MAD1L1: variants seen among roughly 807,000 people sequenced by gnomAD.
MAD1L1 encodes mitotic arrest deficient 1 like 1, also known as mitotic spindle assembly checkpoint protein MAD1.
Under a neutral mutation model 96.9 loss-of-function variants are expected in MAD1L1, and 95 were observed. The ratio of observed to expected loss-of-function variants is 0.98; its 90% CI spans 0.83 to 1.16. The LOEUF is 1.16. Ranked by LOEUF, MAD1L1 falls within the 50% of genes most tolerant of loss-of-function variation. The probability of loss-of-function intolerance (pLI) is 0.00; values close to 1 mark genes in which losing one functional copy is unlikely to be tolerated. For missense variants in MAD1L1, 1,007 were observed against 954.4 expected, an observed-to-expected ratio of 1.06 and a Z score of -0.73; for synonymous variants, 473 against 396.6, an observed-to-expected ratio of 1.19 and a Z score of -2.29.
intron 16 of MAD1L1, among the ~76,000 whole-genome samples, chr7:1,950,287 G>T (rs777631776): frequency 6.6e-6 from 1 of 150,982 alleles, no homozygotes; most frequent in Non-Finnish European, 1.5e-5. Flanking sequence ...AGGGAAGTGA[G>T]AACTCGGGCA....
At chr7:1,922,822 T>C (rs889276259) in intron 17 of MAD1L1, among the ~76,000 whole-genome samples, 3 of 152,228 alleles carry the variant, frequency 2.0e-5, no homozygotes, top group Non-Finnish European at 2.9e-5. Context: ...AGTTTCCCCA[T>C]GAACGTGTGT....
chr7:1,959,917 C>A (rs923811085), intron 15 of MAD1L1, among the ~76,000 whole-genome samples: 5 of 151,974 alleles, frequency 3.3e-5, no homozygotes, highest in African/African-American at 1.2e-4. Flanking sequence ...ATTCAGGTCT[C>A]TTAAAAAAAT....
chr7:1,850,843 C>T (rs1436354379), intron 18 of MAD1L1, among the ~76,000 whole-genome samples: 1 of 152,200 alleles, frequency 6.6e-6, no homozygotes, highest in Non-Finnish European at 1.5e-5. Flanking sequence ...GAACTAGGAG[C>T]TCCTCCCCTC....
intron 11 of MAD1L1, among the ~76,000 whole-genome samples, chr7:2,086,306 T>C (rs976150052): frequency 4.6e-5 from 7 of 152,226 alleles, no homozygotes; most frequent in African/African-American, 1.7e-4. Context: ...AACGCATCAC[T>C]GAAGCACAGG....
intron 12 of MAD1L1, among the ~76,000 whole-genome samples, chr7:2,031,309 A>G (rs1584131931): frequency 6.6e-6 from 1 of 151,724 alleles, no homozygotes; most frequent in African/African-American, 2.4e-5. Flanking sequence ...CTGCCGTCAC[A>G]CCCTCCCCAC....
intron 10 of MAD1L1, among the ~76,000 whole-genome samples, chr7:2,210,937 G>A (rs1013349004): frequency 5.9e-5 from 9 of 152,208 alleles, no homozygotes; most frequent in South Asian, 4.1e-4. Flanking sequence ...ATCTTCACAC[G>A]CAGTTGGGGA....
At chr7:2,201,909 A>C (rs1265211791) in intron 10 of MAD1L1, 3 of 152,326 alleles carry the variant, frequency 2.0e-5, no homozygotes, top group Non-Finnish European at 4.4e-5. Context: ...CGCCCATCCG[A>C]AACTTCACAA....
intron 14 of MAD1L1, among the ~76,000 whole-genome samples, chr7:1,984,588 C>A (rs1583996582): frequency 6.6e-6 from 1 of 152,216 alleles, no homozygotes; most frequent in Non-Finnish European, 1.5e-5. Flanking sequence ...CCCATCTGAA[C>A]CTCACTGTGA....
intron 15 of MAD1L1, among the ~76,000 whole-genome samples, chr7:1,978,996 C>G (rs73047999): frequency 4.6e-4 from 70 of 152,336 alleles, no homozygotes; most frequent in Non-Finnish European, 4.4e-4. Context: ...GGAGGAACAT[C>G]GAATCTAGAA....
intron 18 of MAD1L1, among the ~76,000 whole-genome samples, chr7:1,859,633 AGAG>A (rs916846372): frequency 8.5e-5 from 13 of 152,290 alleles, no homozygotes; most frequent in Non-Finnish European, 1.6e-4. Context: ...GCAGCCCTGC[AGAG>A]GAGGGAGGAG....
intron 18 of MAD1L1, among the ~76,000 whole-genome samples, chr7:1,888,419 T>C (rs931812378): frequency 1.7e-5 from 2 of 116,096 alleles, no homozygotes; most frequent in African/African-American, 5.3e-5. Context: ...CCTGTGCATG[T>C]GAGCATGCAT....
intron 15 of MAD1L1, 113 bp downstream of exon 15, chr7:1,980,340 C>G (rs1780837805): frequency 2.4e-6 from 2 of 847,866 alleles, no homozygotes; most frequent in Admixed American, 2.6e-5. Flanking sequence ...TCCTCCCCCA[C>G]AGGACACACC....
rs1293287147 is a variant in MAD1L1, at chr7:2,114,694, T to TG, written c.1073+34457dup. Among the ~76,000 whole-genome samples, 5 of 152,336 alleles carry TG rather than the reference T, an allele frequency of 3.3e-5. No homozygotes were observed. In the East Asian group the frequency reaches 9.6e-4, roughly 29 times the overall value. Reference sequence around the variant, plus strand: ...TTTTGTTTTTTTAACAAAGTTTTGATGGAGCACAGCCACCCAGAATCAAAT... The same window carrying TG: ...TTTTGTTTTTTTAACAAAGTTTTGATGGGAGCACAGCCACCCAGAATCAAAT... On this transcript the variant is annotated intron_variant, in intron 11 of 18. Transcript: ENST00000265854. The surrounding 1 kb of genome is among the most constrained non-coding windows in gnomAD (Gnocchi z 4.2).
At chr7:1,857,422 C>G (rs1318590251) in intron 18 of MAD1L1, among the ~76,000 whole-genome samples, 1 of 152,212 alleles carries the variant, frequency 6.6e-6, no homozygotes, top group Non-Finnish European at 1.5e-5. Context: ...CTTGCTGGCC[C>G]CATGACCCAC....
chr7:2,028,848 C>G lies in MAD1L1; in HGVS notation c.1219-14206G>C, dbSNP rs759062912. Among the ~76,000 whole-genome samples the G allele has an allele frequency of 7.9e-5, 12 of 152,016 alleles. 1 individual carries two copies. The highest frequency in any genetic ancestry group is 1.5e-5 in the Non-Finnish European group (1 of 68,012). ...TTTGCAGTAAGGAGTGCTGAGTCCACTGGATACCCACGTTGACAAGAAAAA... is the reference window on the plus strand; with the variant it reads ...TTTGCAGTAAGGAGTGCTGAGTCCAGTGGATACCCACGTTGACAAGAAAAA... On this transcript the variant is annotated intron_variant, in intron 12 of 18. Coordinates refer to ENST00000265854, the MANE Select transcript of MAD1L1 (RefSeq NM_001013836.2).
At chr7:2,068,777 C>T (rs1784995273) in intron 12 of MAD1L1, among the ~76,000 whole-genome samples, 1 of 152,226 alleles carries the variant, frequency 6.6e-6, no homozygotes, top group South Asian at 2.1e-4. Flanking sequence ...AGGTGGGGCA[C>T]ACCTGGAAGC....
chr7:1,837,349 G>A (rs976014611), intron 18 of MAD1L1, among the ~76,000 whole-genome samples: 6 of 152,240 alleles, frequency 3.9e-5, no homozygotes, highest in African/African-American at 1.4e-4. Context: ...CTCCTATACT[G>A]CTGATAGGAA....
intron 16 of MAD1L1, among the ~76,000 whole-genome samples, chr7:1,954,988 A>G (rs1016650451): frequency 2.0e-5 from 3 of 152,194 alleles, no homozygotes; most frequent in Admixed American, 2.0e-4. Flanking sequence ...AGCAGGGCCC[A>G]GTGACGGCCC....
At chr7:2,159,838 T>C (rs1241569582) in intron 10 of MAD1L1, among the ~76,000 whole-genome samples, 3 of 152,176 alleles carry the variant, frequency 2.0e-5, no homozygotes, top group Admixed American at 6.5e-5. Flanking sequence ...AAAAAGGCAG[T>C]GCTAAATACA....
Sources: allele counts gnomAD v4.1 joint callset (sites outside exome capture counted in the v4.1 genomes callset), GRCh38; gene constraint gnomAD v4.1.1; non-coding constraint Gnocchi (gnomAD v3.1); transcripts MANE v1.5; gene names NCBI Gene and HGNC (gene_info 2026-07-23, HGNC 2026-07-21).